Variants in CCDC158 observed in about 807,000 individuals in gnomAD.
CCDC158 encodes coiled-coil domain containing 158, also known as coiled-coil domain-containing protein 158.
Under a neutral mutation model 138.6 loss-of-function variants are expected in CCDC158, and 116 were observed. The ratio of observed to expected loss-of-function variants is 0.84; its 90% CI spans 0.72 to 0.98. CCDC158 has a LOEUF of 0.98. CCDC158 is among the 50% of genes least tolerant of loss of function. CCDC158 has a pLI of 0.00. For synonymous variants in CCDC158, 436 were observed against 442.4 expected, an observed-to-expected ratio of 0.99 and a Z score of 0.18; for missense variants, 1,265 against 1,306.1, an observed-to-expected ratio of 0.97 and a Z score of 0.48.
chr4:76,364,539 A>G (rs1560428301), intron 12 of CCDC158, among the ~76,000 whole-genome samples: 1 of 152,048 alleles, frequency 6.6e-6, no homozygotes, highest in Non-Finnish European at 1.5e-5. Context: ...AATATTAAAA[A>G]CACTATATTT....
chr4:76,315,352 A>T (rs1278934781), intron 24 of CCDC158, among the ~76,000 whole-genome samples: 2 of 152,126 alleles, frequency 1.3e-5, no homozygotes, highest in African/African-American at 4.8e-5. Flanking sequence ...ATCACAAAAC[A>T]CACAAACTAT....
chr4:76,321,728 G>T (rs1720026718), intron 24 of CCDC158, among the ~76,000 whole-genome samples: 2 of 139,780 alleles, frequency 1.4e-5, no homozygotes, highest in South Asian at 2.3e-4. Flanking sequence ...ATATTTACAT[G>T]GTGTGTACAC....
chr4:76,328,682 G>A (rs1194197407), intron 22 of CCDC158, among the ~76,000 whole-genome samples: 1 of 152,168 alleles, frequency 6.6e-6, no homozygotes, highest in African/African-American at 2.4e-5. Flanking sequence ...GCAACATAAG[G>A]GAACAGGGCA....
chr4:76,351,272 A>G lies in CCDC158; in HGVS notation c.2539-151T>C, dbSNP rs573543989. 31 of 714,016 alleles carry G rather than the reference A, an allele frequency of 4.3e-5. No homozygotes were observed. The East Asian group carries it at 8.9e-4, about 20-fold the overall frequency. 44.2% of individuals were successfully genotyped at this position (714,016 alleles called of 1,614,324 possible). The stretch of plus-strand genomic sequence containing the variant: ...AGCTTTAAAGTACACTTCTTAAAAT[A>G]GACATATATTTCAGTGTAAAATGTA... On this transcript the variant is annotated intron_variant, in intron 17 of 24. Transcript: ENST00000682701.
At chr4:76,318,870 C>A (rs1283438634) in intron 24 of CCDC158, among the ~76,000 whole-genome samples, 1 of 152,218 alleles carries the variant, frequency 6.6e-6, no homozygotes, top group Non-Finnish European at 1.5e-5. Context: ...TGGCTCACAC[C>A]TGCAATCCCA....
intron 15 of CCDC158, among the ~76,000 whole-genome samples, chr4:76,354,810 A>G (rs1723388527): frequency 6.6e-6 from 1 of 152,238 alleles, no homozygotes; most frequent in Non-Finnish European, 1.5e-5. Context: ...TACGAGCTGC[A>G]TATATACTTA....
At chr4:76,412,333 C>A (rs535628222) in intron 1 of CCDC158, among the ~76,000 whole-genome samples, 1 of 152,258 alleles carries the variant, frequency 6.6e-6, no homozygotes, top group African/African-American at 2.4e-5. Context: ...CTAGAGCAGG[C>A]CAGGCATGGT....
intron 18 of CCDC158, among the ~76,000 whole-genome samples, chr4:76,349,738 T>A (rs181913184): frequency 1.4e-4 from 22 of 152,304 alleles, no homozygotes; most frequent in East Asian, 7.7e-4. Flanking sequence ...TAATGACTAG[T>A]ACTTTTTCAG....
chr4:76,320,056 C>T (rs1208825553), intron 24 of CCDC158, among the ~76,000 whole-genome samples: 1 of 152,092 alleles, frequency 6.6e-6, no homozygotes, highest in Non-Finnish European at 1.5e-5. Flanking sequence ...AAGACTCATC[C>T]ACAAAGCTCC....
chr4:76,328,815 G>T (rs1005746675), intron 22 of CCDC158, 85 bp downstream of exon 22: 2 of 1,019,508 alleles, frequency 2.0e-6, no homozygotes, highest in Admixed American at 1.7e-5. Flanking sequence ...GGACTTGGAA[G>T]ATACTGCAAT....
chr4:76,369,148 G>A (rs1432819410), intron 11 of CCDC158, among the ~76,000 whole-genome samples: 2 of 152,180 alleles, frequency 1.3e-5, no homozygotes, highest in Admixed American at 6.5e-5. Context: ...CCGGGAGGTG[G>A]AGGTTGCAGT....
In CCDC158 at chr4:76,313,265, C is replaced by T; in HGVS notation, c.3278-19G>A. On this transcript the variant is annotated intron_variant, in intron 24 of 24. Transcript: ENST00000682701. ...GACATTGCTGAAAATGTTGATAAAA[C>T]AGTTAGAATAACAAAATCTACTTAG... 6.7e-7 allele frequency: 1 copy of T among 1,500,948 alleles called. No individual in the cohort carries two copies. The highest frequency in any genetic ancestry group is 2.3e-5 in the East Asian group (1 of 43,964). 93.0% of individuals were successfully genotyped at this position (1,500,948 alleles called of 1,614,324 possible). A position where few individuals can be genotyped will look rare whatever the true frequency, so the allele number is the denominator to read the frequency against.
At chr4:76,410,007 A>G (rs1729167530) in intron 2 of CCDC158, among the ~76,000 whole-genome samples, 1 of 151,954 alleles carries the variant, frequency 6.6e-6, no homozygotes, top group Non-Finnish European at 1.5e-5. Context: ...GCTGAGATAA[A>G]GCGTTTAAAA....
chr4:76,345,210 G>A, intron 18 of CCDC158: 1 of 947,108 alleles, frequency 1.1e-6, no homozygotes, highest in Non-Finnish European at 1.7e-6. Context: ...ACTTAGGAAA[G>A]TAGAGGGTCA....
chr4:76,420,488 G>C lies in CCDC158; in HGVS notation c.-117+477C>G, dbSNP rs1187452214. Among the ~76,000 whole-genome samples the C allele has an allele frequency of 2.6e-5, 4 of 152,210 alleles. No individual in the cohort carries two copies. In the East Asian group the frequency reaches 7.7e-4, roughly 29 times the overall value. ...ACTCATTGTGTTGCTGATTGATGCTGATAATGAGGGAAAGCTCTGACCCCC... is the reference window on the plus strand; with the variant it reads ...ACTCATTGTGTTGCTGATTGATGCTCATAATGAGGGAAAGCTCTGACCCCC... On this transcript the variant is annotated intron_variant, in intron 1 of 24. Transcript: ENST00000682701.
intron 2 of CCDC158, 122 bp from the exon 3 acceptor site, chr4:76,403,402 T>A: frequency 2.3e-6 from 1 of 427,782 alleles, no homozygotes; most frequent in Non-Finnish European, 4.1e-6. Context: ...AGAAAAATAA[T>A]TATTTATACA....
intron 21 of CCDC158, among the ~76,000 whole-genome samples, chr4:76,330,352 A>C (rs1222755898): frequency 6.6e-6 from 1 of 152,236 alleles, no homozygotes; most frequent in African/African-American, 2.4e-5. Flanking sequence ...AGATTAGACT[A>C]ATGAGACAAG....
chr4:76,375,538 A>G (rs891308268), intron 9 of CCDC158: 1 of 701,872 alleles, frequency 1.4e-6, no homozygotes, highest in Non-Finnish European at 2.6e-6. Context: ...TTTAATACAA[A>G]ATTCAGCCCC....
chr4:76,317,019 C>A (rs1719463446), intron 24 of CCDC158, among the ~76,000 whole-genome samples: 2 of 149,506 alleles, frequency 1.3e-5, no homozygotes, highest in Non-Finnish European at 3.0e-5. Context: ...CAAAATTGAA[C>A]CATCTTAAAG....
Sources: gnomAD v4.1 joint callset for allele counts (sites outside exome capture counted in the v4.1 genomes callset) on GRCh38, gnomAD v4.1.1 for gene constraint, MANE v1.5 for transcripts, NCBI Gene and HGNC (gene_info 2026-07-23, HGNC 2026-07-21) for gene names.